Variants in C16orf87 observed in about 807,000 individuals in gnomAD.
C16orf87 encodes UPF0547 protein C16orf87.
A neutral mutation model predicts 21.0 loss-of-function variants in C16orf87; 13 were observed. The observed-to-expected ratio is 0.62, with a 90% CI of 0.40 to 0.98. The LOEUF is 0.98. C16orf87 is among the 50% of genes least tolerant of loss of function. C16orf87 has a pLI of 0.00. For missense variants in C16orf87, 113 were observed against 180.4 expected (o/e 0.63, Z 2.14); for synonymous variants, 49 against 60.2 (o/e 0.81, Z 0.86).
At chr16:46,814,609 C>T (rs904340680) in intron 2 of C16orf87, among the ~76,000 whole-genome samples, 6 of 152,160 alleles carry the variant, frequency 3.9e-5, no homozygotes, top group Admixed American at 2.6e-4. Flanking sequence ...TCAAAACAGA[C>T]GTTTAAAACA....
intron 3 of C16orf87, among the ~76,000 whole-genome samples, chr16:46,809,261 T>C (rs1968013172): frequency 6.6e-6 from 1 of 151,438 alleles, no homozygotes; most frequent in Non-Finnish European, 1.5e-5. Context: ...CACTCCAGCC[T>C]GGGTGACAGA....
intron 2 of C16orf87, among the ~76,000 whole-genome samples, chr16:46,821,837 C>T (rs1959426682): frequency 6.6e-6 from 1 of 150,614 alleles, no homozygotes; most frequent in African/African-American, 2.5e-5. Context: ...GCTGAGGCTG[C>T]AGACTATATG....
chr16:46,803,696 A>C (rs1438306267), intron 3 of C16orf87, among the ~76,000 whole-genome samples: 3 of 151,620 alleles, frequency 2.0e-5, no homozygotes, highest in Non-Finnish European at 4.4e-5. Context: ...TATAATTTAC[A>C]ATCAAATCAT....
Position 46,815,609 on chromosome 16 carries a change from A to G in C16orf87, c.164-5824T>C, listed in dbSNP as rs146094194. On this transcript the variant is annotated intron_variant, in intron 2 of 3. Transcript: ENST00000285697. ...ACTTGAATAGGTATTTCTCCAAAGA[A>G]GATATATAAATGGCCACTAAGCACA... 3.7e-3 allele frequency among the ~76,000 whole-genome samples: 568 copies of G among 152,296 alleles called. 4 individuals carry two copies. The highest frequency in any genetic ancestry group is 0.013 in the African/African-American group (551 of 41,584).
rs1470369402 is a variant in C16orf87 at position 46,825,588 on chromosome 16, T to TAAA, written c.67-1107_67-1106insTTT. On this transcript the variant is annotated intron_variant, in intron 1 of 3. Transcript: ENST00000285697. ...TTGTTACAAACAATCTATACTCTTT[T>TAAA]AGTTATTTTTAAATGTACAATTAAA... Among the ~76,000 whole-genome samples, 19 of 152,296 alleles carry TAAA rather than the reference T, an allele frequency of 1.2e-4. No individual in the cohort carries two copies. In the East Asian group the frequency reaches 3.5e-3, roughly 28 times the overall value.
intron 1 of C16orf87, among the ~76,000 whole-genome samples, chr16:46,825,642 T>C (rs985483611): frequency 6.6e-6 from 1 of 152,180 alleles, no homozygotes; most frequent in African/African-American, 2.4e-5. Context: ...CTGGGCGCAG[T>C]GGCTCACACC....
At chr16:46,805,363 T>G (rs1967898596) in intron 3 of C16orf87, among the ~76,000 whole-genome samples, 1 of 152,176 alleles carries the variant, frequency 6.6e-6, no homozygotes, top group Non-Finnish European at 1.5e-5. Flanking sequence ...TTTAAGCCTT[T>G]TATTAAAGTT....
In C16orf87 at chr16:46,831,076, G is replaced by C; in HGVS notation, c.66+8C>G. The stretch of plus-strand genomic sequence containing the variant: ...CGCCCGCCCGCGCGCCCGGCCCCCG[G>C]CACCCACCTGTTGGTCGCACTCGGG... On this transcript the variant is annotated splice_region_variant and intron_variant, in intron 1 of 3. Coordinates refer to ENST00000285697, the MANE Select transcript of C16orf87 (RefSeq NM_001001436.4). 6.4e-7 allele frequency: 1 copy of C among 1,561,572 alleles called. No individual in the cohort carries two copies.
chr16:46,811,560 A>G lies in C16orf87; in HGVS notation c.164-1775T>C, dbSNP rs577207004. ...TTTAAGCACCTCTGGATAGAGGTACACATCACTACCTATTAAGTAGTCTTG... is the reference window on the plus strand; with the variant it reads ...TTTAAGCACCTCTGGATAGAGGTACGCATCACTACCTATTAAGTAGTCTTG... On this transcript the variant is annotated intron_variant, in intron 2 of 3. Coordinates refer to ENST00000285697, the MANE Select transcript of C16orf87 (RefSeq NM_001001436.4). Among the ~76,000 whole-genome samples, 20 of 151,482 alleles carry G rather than the reference A, an allele frequency of 1.3e-4. No individual in the cohort carries two copies. In the East Asian group the frequency reaches 3.9e-3, roughly 29 times the overall value.
intron 2 of C16orf87, among the ~76,000 whole-genome samples, chr16:46,814,254 T>C (rs1968178654): frequency 6.6e-6 from 1 of 152,116 alleles, no homozygotes; most frequent in African/African-American, 2.4e-5. Flanking sequence ...CAAAGGAGGA[T>C]TCTCAAGGAT....
intron 3 of C16orf87, among the ~76,000 whole-genome samples, chr16:46,807,069 C>T (rs1004160435): frequency 6.6e-6 from 1 of 152,212 alleles, no homozygotes; most frequent in Non-Finnish European, 1.5e-5. Flanking sequence ...AAAAGTAAAA[C>T]CGCAATTACT....
chr16:46,812,792 T>A (rs1013938092), intron 2 of C16orf87, among the ~76,000 whole-genome samples: 2 of 152,182 alleles, frequency 1.3e-5, no homozygotes, highest in African/African-American at 4.8e-5. Flanking sequence ...CCAGTATAGT[T>A]CCTATCCCAC....
At chr16:46,811,279 G>A (rs1968075218) in intron 2 of C16orf87, among the ~76,000 whole-genome samples, 1 of 151,976 alleles carries the variant, frequency 6.6e-6, no homozygotes, top group African/African-American at 2.4e-5. Flanking sequence ...CAAGGCGGGT[G>A]GATCACCTGA....
rs944109757 is a variant in C16orf87, at chr16:46,800,635, T to C, written c.*2317A>G. 2 of 152,204 alleles carry C rather than the reference T, an allele frequency of 1.3e-5. No individual in the cohort carries two copies. The highest frequency in any genetic ancestry group is 2.9e-5 in the Non-Finnish European group (2 of 68,038). The allele number at this position is 152,204 out of a possible 1,614,324, so 9.4% of individuals were successfully genotyped here. ...TATAGATATCAGAGCAGAACAAATTTTGGATTAAGTAAAGAACTATAATTA... is the reference window on the plus strand; with the variant it reads ...TATAGATATCAGAGCAGAACAAATTCTGGATTAAGTAAAGAACTATAATTA... On this transcript the variant is annotated 3_prime_UTR_variant, in exon 4 of 4. Coordinates refer to ENST00000285697, the MANE Select transcript of C16orf87 (RefSeq NM_001001436.4).
At chr16:46,827,177 G>A (rs1959651340) in intron 1 of C16orf87, among the ~76,000 whole-genome samples, 1 of 152,070 alleles carries the variant, frequency 6.6e-6, no homozygotes, top group Non-Finnish European at 1.5e-5. Context: ...TCTATAGTCT[G>A]AGTTAATTCA....
chr16:46,828,031 T>A (rs1229383313), intron 1 of C16orf87, among the ~76,000 whole-genome samples: 1 of 151,590 alleles, frequency 6.6e-6, no homozygotes. Context: ...GCCTCCCGGG[T>A]TCAATCACTT....
intron 1 of C16orf87, among the ~76,000 whole-genome samples, chr16:46,829,925 AT>A (rs1959776164): frequency 6.9e-6 from 1 of 145,072 alleles, no homozygotes; most frequent in Admixed American, 7.0e-5. Context: ...ATTACTCTTG[AT>A]TTAAAAAAAA....
chr16:46,826,872 T>A (rs1959641139), intron 1 of C16orf87, among the ~76,000 whole-genome samples: 1 of 152,228 alleles, frequency 6.6e-6, no homozygotes, highest in South Asian at 2.1e-4. Flanking sequence ...CAAATGCATG[T>A]TCTTACTCAA....
At chr16:46,826,848 C>G (rs1477034501) in intron 1 of C16orf87, among the ~76,000 whole-genome samples, 1 of 152,166 alleles carries the variant, frequency 6.6e-6, no homozygotes, top group Non-Finnish European at 1.5e-5. Flanking sequence ...TAAATTAATG[C>G]TATCCAAAAT....
Sources: allele counts gnomAD v4.1 joint callset (sites outside exome capture counted in the v4.1 genomes callset), GRCh38; gene constraint gnomAD v4.1.1; transcripts MANE v1.5; gene names NCBI Gene and HGNC (gene_info 2026-07-23, HGNC 2026-07-21).